The following SMUG1 variants were observed in gnomAD, a reference collection of about 807,000 sequenced individuals.
The protein encoded by SMUG1 is single-strand-selective monofunctional uracil-DNA glycosylase 1.
A neutral mutation model predicts 23.9 loss-of-function variants in SMUG1; 13 were observed. That is an observed-to-expected ratio of 0.54 (90% CI 0.35 to 0.86). SMUG1 has a LOEUF of 0.86. Among genes scored for constraint, SMUG1 ranks in the 40% least tolerant of loss-of-function variants. SMUG1 has a pLI of 0.01. For synonymous variants in SMUG1, 133 were observed against 139.8 expected, an observed-to-expected ratio of 0.95 and a Z score of 0.34; for missense variants, 313 against 339.5, an observed-to-expected ratio of 0.92 and a Z score of 0.61.
intron 3 of SMUG1, among the ~76,000 whole-genome samples, chr12:54,165,806 C>T (rs1940438179): frequency 6.6e-6 from 1 of 152,200 alleles, no homozygotes; most frequent in Non-Finnish European, 1.5e-5. Context: ...TGGACAGTTA[C>T]TGCAGAGGAA....
In SMUG1 at chr12:54,181,264, C is replaced by G. The variant is rs1408330625; in HGVS notation, c.*832G>C. 5 of 370,036 alleles carry G rather than the reference C, an allele frequency of 1.4e-5. No individual in the cohort carries two copies. The highest frequency in any genetic ancestry group is 2.4e-5 in the Non-Finnish European group (5 of 204,266). 22.9% of individuals were successfully genotyped at this position (370,036 alleles called of 1,614,324 possible). On this transcript the variant is annotated 3_prime_UTR_variant, in exon 4 of 4. Coordinates refer to ENST00000682136, the MANE Select transcript of SMUG1 (RefSeq NM_001243787.2). ...CCCTGGCCGCAGGTGGAAGCCCAGA[C>G]TCTCTCCTAGCAAGGTATCCAGAAT...
rs1056690794 is a variant in SMUG1 at position 54,167,439 on chromosome 12, C to T, written c.*53-1961G>A. Among the ~76,000 whole-genome samples, 6 of 152,286 alleles carry T rather than the reference C, an allele frequency of 3.9e-5. No homozygotes were observed. In the South Asian group the frequency reaches 6.2e-4, roughly 16 times the overall value. On this transcript the variant is annotated intron_variant and NMD_transcript_variant, in intron 3 of 4. Transcript: ENST00000509864. ...GGGACCACTCTTTCAATTTCAAAGC[C>T]TGACCAAGCCTCCAGGGAGTACAGA...
At chr12:54,175,969 G>A (rs923040773), downstream of SMUG1, among the ~76,000 whole-genome samples, 4 of 152,244 alleles carry the variant, frequency 2.6e-5, no homozygotes, top group African/African-American at 9.6e-5. Context: ...GCTCACGCCT[G>A]TAATCCCAGC....
intron 3 of SMUG1, among the ~76,000 whole-genome samples, chr12:54,170,491 G>T (rs1445744569): frequency 2.0e-5 from 3 of 152,162 alleles, no homozygotes; most frequent in Non-Finnish European, 4.4e-5. Context: ...CACCAGGGCA[G>T]CTGGGAATGA....
At chr12:54,176,761 C>G (rs1164458808), downstream of SMUG1, among the ~76,000 whole-genome samples, 1 of 150,534 alleles carries the variant, frequency 6.6e-6, no homozygotes. Flanking sequence ...GAGCCGAGAT[C>G]GCGCCACTGC....
At chr12:54,182,889 T>C (rs1565820186) in intron 3 of SMUG1, 3 of 510,284 alleles carry the variant, frequency 5.9e-6, no homozygotes, top group East Asian at 7.2e-5. Context: ...AGGGACTACA[T>C]TGAGATATCT....
Position 54,181,793 on chromosome 12 carries a change from A to G in SMUG1, c.*303T>C. 5 of 1,436,868 alleles carry G rather than the reference A, an allele frequency of 3.5e-6. No individual in the cohort carries two copies. Among genetic ancestry groups the G allele is most frequent in the Non-Finnish European group, 4.5e-6 (5 of 1,100,566 alleles). The allele number at this position is 1,436,868 out of a possible 1,614,324, so 89.0% of individuals were successfully genotyped here. Reference sequence around the variant, plus strand: ...GCTGAATAAAGTCTCCCAAGGAAACACTGAGGTAGAGCAGTCTGCAAGTGC... The same window carrying G: ...GCTGAATAAAGTCTCCCAAGGAAACGCTGAGGTAGAGCAGTCTGCAAGTGC... On this transcript the variant is annotated 3_prime_UTR_variant, in exon 4 of 4. Transcript: ENST00000682136.
downstream of SMUG1, among the ~76,000 whole-genome samples, chr12:54,161,646 C>G (rs1940267185): frequency 6.6e-6 from 1 of 152,206 alleles, no homozygotes; most frequent in African/African-American, 2.4e-5. This position sits in a 1 kb window ranked among gnomAD's most constrained non-coding sequence, Gnocchi z 4.2. Context: ...CTCCCTTTCT[C>G]TCTCCATATT....
chr12:54,159,752 G>A (rs1241006640), downstream of SMUG1, among the ~76,000 whole-genome samples: 1 of 152,010 alleles, frequency 6.6e-6, no homozygotes, highest in Non-Finnish European at 1.5e-5. Flanking sequence ...GTCGGTGCAG[G>A]TGCATTTTTG....
chr12:54,168,496 T>G (rs1352293650), intron 3 of SMUG1: 1 of 152,322 alleles, frequency 6.6e-6, no homozygotes, highest in African/African-American at 2.4e-5. Flanking sequence ...AAAGCAATAC[T>G]CTAAAGAACC....
chr12:54,161,907 G>C (rs1443329269), downstream of SMUG1, among the ~76,000 whole-genome samples: 1 of 152,224 alleles, frequency 6.6e-6, no homozygotes, highest in Non-Finnish European at 1.5e-5. The surrounding 1 kb of genome is among the most constrained non-coding windows in gnomAD (Gnocchi z 4.2). Context: ...TAAATGAGGA[G>C]CATAAGAACA....
In SMUG1 at chr12:54,182,246, T is replaced by A; in HGVS notation, c.663A>T (p.Ala221=). ...GCATCAGGCCTGCCAGAGCCCGTCG[T>A]GCCCGCTGCTCTGCCAGTCGCCCAA... The part of the protein sequence containing the change: ...VGVGRLAEQR[A]RRALAGLMPE... The change falls in exon 4 of 4, where the codon GCA becomes GCT. Residue 221 remains alanine, a synonymous_variant. Coordinates refer to ENST00000682136, the MANE Select transcript of SMUG1 (RefSeq NM_001243787.2). 1.2e-6 allele frequency: 2 copies of A among 1,612,176 alleles called. No individual in the cohort carries two copies. The highest frequency in any genetic ancestry group is 1.7e-6 in the Non-Finnish European group (2 of 1,178,744).
At chr12:54,174,929 C>A (rs1030667889) in intron 2 of SMUG1, 1 of 152,220 alleles carries the variant, frequency 6.6e-6, no homozygotes, top group African/African-American at 2.4e-5. Context: ...TATAATTCAA[C>A]CTTGACTGGT....
chr12:54,169,797 C>T (rs1940568018), intron 3 of SMUG1, among the ~76,000 whole-genome samples: 1 of 152,178 alleles, frequency 6.6e-6, no homozygotes, highest in Non-Finnish European at 1.5e-5. Context: ...GGTAATAGTA[C>T]ATCTGTGGCT....
At chr12:54,182,904 C>T in intron 3 of SMUG1, 1 of 445,206 alleles carries the variant, frequency 2.2e-6, no homozygotes, top group Non-Finnish European at 3.9e-6. Context: ...ATATCTAGCC[C>T]TACACAGGGT....
At chr12:54,187,378 C>G (rs1942703589) in intron 2 of SMUG1, 1 of 152,232 alleles carries the variant, frequency 6.6e-6, no homozygotes, top group African/African-American at 2.4e-5. Flanking sequence ...TTTAACTGAT[C>G]TGTTGTCCAG....
intron 2 of SMUG1, chr12:54,175,034 T>G (rs565373962): frequency 6.6e-6 from 1 of 152,368 alleles, no homozygotes; most frequent in East Asian, 1.9e-4. Context: ...CACCTGATGG[T>G]CACAGCTGGG....
At chr12:54,185,529 T>A (rs1371698138) in intron 2 of SMUG1, among the ~76,000 whole-genome samples, 17 of 138,924 alleles carry the variant, frequency 1.2e-4, no homozygotes, top group East Asian at 2.2e-4. Flanking sequence ...AATAAATAAA[T>A]TTGCCGGGCG....
At chr12:54,170,233 A>C (rs910366672) in intron 3 of SMUG1, among the ~76,000 whole-genome samples, 2 of 151,506 alleles carry the variant, frequency 1.3e-5, no homozygotes, top group Admixed American at 6.6e-5. Flanking sequence ...AGAGAAGCTC[A>C]CTGTTTCTCA....
Sources: gnomAD v4.1 joint callset for allele counts (sites outside exome capture counted in the v4.1 genomes callset) on GRCh38, gnomAD v4.1.1 for gene constraint, Gnocchi (gnomAD v3.1) non-coding constraint, MANE v1.5 for transcripts, NCBI Gene and HGNC (gene_info 2026-07-23, HGNC 2026-07-21) for gene names.